The following MYO16 variants were observed in gnomAD, a reference collection of about 807,000 sequenced individuals.
MYO16 encodes the protein unconventional myosin-XVI.
A neutral mutation model predicts 205.3 loss-of-function variants in MYO16; 94 were observed. The ratio of observed to expected loss-of-function variants is 0.46; its 90% CI spans 0.39 to 0.54. The LOEUF (loss-of-function observed/expected upper bound fraction) is 0.54. MYO16 is among the 20% of genes least tolerant of loss of function. MYO16 has a pLI of 0.00. For missense variants in MYO16, 2,315 were observed against 2,387.5 expected (o/e 0.97, Z 0.63); for synonymous variants, 988 against 954.0 (o/e 1.04, Z -0.66).
chr13:108,820,244 C>A, intron 7 of MYO16, 93 bp from the exon 8 acceptor site: 2 of 867,780 alleles, frequency 2.3e-6, no homozygotes, highest in Non-Finnish European at 1.8e-6. Context: ...TGTCTCATGC[C>A]GGCTGTTAGT....
intron 20 of MYO16, among the ~76,000 whole-genome samples, chr13:108,980,126 G>A (rs1431036038): frequency 3.3e-5 from 5 of 152,020 alleles, no homozygotes. Context: ...AAACATTAGT[G>A]TTTTCTTTCT....
At chr13:108,506,810 G>GTTTCTCC in the MYO16 span, among the ~76,000 whole-genome samples, 1 of 152,154 alleles carries the variant, frequency 6.6e-6, no homozygotes, top group Non-Finnish European at 1.5e-5. Flanking sequence ...CATGGAGTAT[G>GTTTCTCC]ATGTTAGCTG....
At chr13:108,820,299 C>A in intron 7 of MYO16, 38 bp from the exon 8 acceptor site, 1 of 1,457,468 alleles carries the variant, frequency 6.9e-7, no homozygotes, top group Non-Finnish European at 9.4e-7. Flanking sequence ...TAGCTTCTGC[C>A]ATGGTGGTTC....
chr13:109,122,975 T>C (rs1876062222), intron 29 of MYO16, among the ~76,000 whole-genome samples: 1 of 152,242 alleles, frequency 6.6e-6, no homozygotes, highest in African/African-American at 2.4e-5. Context: ...GCTGTAACTT[T>C]TAGTTTTAAA....
At chr13:108,624,784 AGTGT>A (rs6145237), upstream of MYO16, among the ~76,000 whole-genome samples, 430 of 90,844 alleles carry the variant, frequency 4.7e-3, 1 homozygote, top group African/African-American at 0.013. Flanking sequence ...ATATAGCCTG[AGTGT>A]GTGTGTGTGT....
At chr13:109,083,873 C>A (rs1040078080) in intron 27 of MYO16, among the ~76,000 whole-genome samples, 1 of 152,066 alleles carries the variant, frequency 6.6e-6, no homozygotes, top group African/African-American at 2.4e-5. Context: ...AGGAATGAAG[C>A]TTTTGTGAAG....
chr13:109,088,910 C>T (rs959663984), intron 27 of MYO16, among the ~76,000 whole-genome samples: 2 of 152,154 alleles, frequency 1.3e-5, no homozygotes, highest in African/African-American at 4.8e-5. Flanking sequence ...CCTCCAGGCC[C>T]GCTCCTTTCC....
chr13:109,180,023 T>A (rs147739760), intron 34 of MYO16, among the ~76,000 whole-genome samples: 261 of 152,330 alleles, frequency 1.7e-3, no homozygotes, highest in African/African-American at 5.8e-3. Context: ...ATAAAATGCT[T>A]GAACCACCTG....
At chr13:108,996,752 G>T (rs1182397308) in intron 21 of MYO16, among the ~76,000 whole-genome samples, 1 of 152,128 alleles carries the variant, frequency 6.6e-6, no homozygotes, top group Non-Finnish European at 1.5e-5. Context: ...AGTTCATCAT[G>T]TGCCATTTTT....
intron 16 of MYO16, among the ~76,000 whole-genome samples, chr13:108,916,850 C>T (rs1881514951): frequency 6.6e-6 from 1 of 152,134 alleles, no homozygotes; most frequent in Non-Finnish European, 1.5e-5. Context: ...TGGTAAATGA[C>T]AGAGGTGGAT....
At chr13:108,719,679 C>T (rs990757620) in intron 3 of MYO16, among the ~76,000 whole-genome samples, 3 of 152,178 alleles carry the variant, frequency 2.0e-5, no homozygotes, top group Admixed American at 2.0e-4. Context: ...TTGTTCACTG[C>T]CTCTTGATCC....
chr13:109,001,038 A>G (rs1885193566), intron 21 of MYO16, among the ~76,000 whole-genome samples: 1 of 152,042 alleles, frequency 6.6e-6, no homozygotes, highest in African/African-American at 2.4e-5. Context: ...TTTGTGTAAA[A>G]CAATGTCTTT....
intron 12 of MYO16, among the ~76,000 whole-genome samples, chr13:108,878,808 G>A (rs1879453830): frequency 6.6e-6 from 1 of 152,170 alleles, no homozygotes; most frequent in Non-Finnish European, 1.5e-5. Flanking sequence ...CTCCCATAAG[G>A]GGTTTGAGCA....
rs546190486 is a variant in MYO16, at chr13:108,835,563, A to T, written c.1098-8780A>T. Among the ~76,000 whole-genome samples the T allele has an allele frequency of 4.6e-5, 7 of 152,314 alleles. No homozygotes were observed. The South Asian group carries it at 1.2e-3, about 27-fold the overall frequency. On this transcript the variant is annotated intron_variant, in intron 9 of 34. Coordinates refer to ENST00000457511, the MANE Select transcript of MYO16 (RefSeq NM_001198950.3). ...AACTTTGTAACCGGGTAACAGGCAG[A>T]GGCTGGAACAGTTTGAAGGGCTGAG...
Position 108,961,579 on chromosome 13 carries a change from A to G in MYO16, c.2078A>G (p.His693Arg), listed in dbSNP as rs1300774906. 1.2e-6 allele frequency: 2 copies of G among 1,614,030 alleles called. No individual in the cohort carries two copies. Among genetic ancestry groups the G allele is most frequent in the Non-Finnish European group, 1.7e-6 (2 of 1,180,002 alleles). ...NLFVILAAIL[H>R]LGDIRFTALN... ...TTCGTAATTCTAGCAGCAATATTGC[A>G]CCTTGGAGACATTCGGTTTACTGCC... The change falls in exon 18 of 35, where the codon CAC becomes CGC. Residue 693 changes from histidine to arginine, a missense_variant. By Grantham distance (29) the His-to-Arg change is conservative (BLOSUM62 0). Coordinates refer to ENST00000457511, the MANE Select transcript of MYO16 (RefSeq NM_001198950.3).
At chr13:108,735,155 C>T (rs936303312) in intron 4 of MYO16, among the ~76,000 whole-genome samples, 1 of 152,056 alleles carries the variant, frequency 6.6e-6, no homozygotes, top group Non-Finnish European at 1.5e-5. Context: ...GGTACATGTG[C>T]ACAACCTGCA....
the MYO16 span, among the ~76,000 whole-genome samples, chr13:108,508,751 G>A: frequency 1.3e-5 from 2 of 152,172 alleles, no homozygotes; most frequent in Non-Finnish European, 2.9e-5. Flanking sequence ...TTTCAGTGCA[G>A]ATATTCTTGA....
intron 32 of MYO16, among the ~76,000 whole-genome samples, chr13:109,147,676 G>T (rs947913340): frequency 6.6e-6 from 1 of 152,088 alleles, no homozygotes; most frequent in Admixed American, 6.5e-5. Flanking sequence ...TTATTTGTGT[G>T]TGGGGAGTTG....
chr13:108,843,839 T>C (rs1877373742), intron 9 of MYO16, among the ~76,000 whole-genome samples: 1 of 152,168 alleles, frequency 6.6e-6, no homozygotes, highest in Non-Finnish European at 1.5e-5. Context: ...GCTTGTAATA[T>C]TGCAGTCCTT....
Sources: allele counts gnomAD v4.1 joint callset (sites outside exome capture counted in the v4.1 genomes callset), GRCh38; gene constraint gnomAD v4.1.1; transcripts MANE v1.5; gene names NCBI Gene and HGNC (gene_info 2026-07-23, HGNC 2026-07-21).